CNTN4: variants seen among roughly 807,000 people sequenced by gnomAD.
The protein encoded by CNTN4 is contactin-4.
CNTN4 carries 77 observed loss-of-function variants against 122.5 expected under a neutral mutation model. That is an observed-to-expected ratio of 0.63 (90% CI 0.52 to 0.76). The LOEUF is 0.76. Among genes scored for constraint, CNTN4 ranks in the 30% least tolerant of loss-of-function variants. The pLI is 0.00. For missense variants in CNTN4, 1,256 were observed against 1,259.1 expected (o/e 1.00, Z 0.04); for synonymous variants, 512 against 447.0 (o/e 1.15, Z -1.83).
At chr3:2,665,128 C>T (rs1293370925) in intron 4 of CNTN4, among the ~76,000 whole-genome samples, 1 of 152,144 alleles carries the variant, frequency 6.6e-6, no homozygotes, top group Non-Finnish European at 1.5e-5. Flanking sequence ...ATGTAGGACA[C>T]CCTCCTTAAA....
At chr3:2,371,331 A>T (rs2045625067) in intron 3 of CNTN4, among the ~76,000 whole-genome samples, 1 of 152,098 alleles carries the variant, frequency 6.6e-6, no homozygotes, top group South Asian at 2.1e-4. Flanking sequence ...CTGCCTTTTT[A>T]AAGTTTGCTC....
chr3:2,405,487 C>T (rs1264990131), intron 3 of CNTN4, among the ~76,000 whole-genome samples: 1 of 151,908 alleles, frequency 6.6e-6, no homozygotes, highest in Non-Finnish European at 1.5e-5. Flanking sequence ...TGAAAGAACC[C>T]CCAATGACCA....
intron 4 of CNTN4, chr3:2,735,843 C>T (rs2089046071): frequency 2.4e-6 from 1 of 412,422 alleles, no homozygotes; most frequent in Non-Finnish European, 4.7e-6. Context: ...AGCTTTATGA[C>T]ACTAGACAGC....
At chr3:2,287,742 GAAGAAGAAGAAGAAGAAGAAGAA>G (rs2149964976) in intron 2 of CNTN4, among the ~76,000 whole-genome samples, 1 of 130,050 alleles carries the variant, frequency 7.7e-6, no homozygotes, top group South Asian at 2.5e-4. Context: ...AGAAGAAGAA[GAAGAAGAAGAAGAAGAAGAAGAA>G]GAAGAAGAAG....
intron 2 of CNTN4, among the ~76,000 whole-genome samples, chr3:2,297,626 G>A (rs973621136): frequency 6.6e-6 from 1 of 151,950 alleles, no homozygotes; most frequent in East Asian, 1.9e-4. Flanking sequence ...TTTATTTTCC[G>A]TCTACCTACA....
At chr3:2,959,277 C>T (rs2094829627) in intron 13 of CNTN4, among the ~76,000 whole-genome samples, 1 of 152,068 alleles carries the variant, frequency 6.6e-6, no homozygotes, top group Non-Finnish European at 1.5e-5. Flanking sequence ...TATTTAAAAA[C>T]AAAGAGTCAG....
In CNTN4 at chr3:2,818,095, G is replaced by A. The variant is rs116710350; in HGVS notation, c.359-1391G>A. On this transcript the variant is annotated intron_variant, in intron 6 of 24. Coordinates refer to ENST00000418658, the MANE Select transcript of CNTN4 (RefSeq NM_175607.3). ...TTGGTTTGCTCTGATTAGGTGTTAT[G>A]TGTCAGACCTGCCTGCTTGAGCCCC... Among the ~76,000 whole-genome samples, 976 of 152,314 alleles carry A rather than the reference G, an allele frequency of 6.4e-3. 9 individuals carry two copies. The highest frequency in any genetic ancestry group is 0.022 in the African/African-American group (905 of 41,572).
At position 2,491,131 on chromosome 3, in the gene CNTN4, A is replaced by G. The variant is rs115694438; in HGVS notation, c.-88-80285A>G. Among the ~76,000 whole-genome samples the G allele has an allele frequency of 6.0e-3, 913 of 152,328 alleles. 11 individuals are homozygous for G. The highest frequency in any genetic ancestry group is 0.021 in the African/African-American group (867 of 41,578). Reference sequence around the variant, plus strand: ...AATAGAACAAGACATTTAAAAGTGTATATTGTGCCTAATATATCTCTTTTC... The same window carrying G: ...AATAGAACAAGACATTTAAAAGTGTGTATTGTGCCTAATATATCTCTTTTC... On this transcript the variant is annotated intron_variant, in intron 3 of 24. Transcript: ENST00000418658.
intron 4 of CNTN4, among the ~76,000 whole-genome samples, chr3:2,675,093 A>G (rs1051370119): frequency 2.0e-5 from 3 of 152,216 alleles, no homozygotes; most frequent in African/African-American, 7.2e-5. Context: ...CAAAGAAAAC[A>G]ATCAGCAGTG....
chr3:2,235,448 A>T (rs989764744), intron 2 of CNTN4, among the ~76,000 whole-genome samples: 1 of 152,142 alleles, frequency 6.6e-6, no homozygotes, highest in Non-Finnish European at 1.5e-5. Flanking sequence ...GACATTTAAC[A>T]CATTCAGTAT....
intron 2 of CNTN4, among the ~76,000 whole-genome samples, chr3:2,138,782 A>G (rs192377312): frequency 7.4e-4 from 112 of 152,292 alleles, no homozygotes; most frequent in African/African-American, 2.6e-3. Context: ...TCTCCAGCTT[A>G]TAGATGGCAG....
rs1197755953 is a variant in CNTN4 at position 2,329,151 on chromosome 3, T to A, written c.-144-10027T>A. ...AGCGTAACATAAATACACATCAACT[T>A]AAACTCAAATGTTTACAAAATAAAA... On this transcript the variant is annotated intron_variant, in intron 2 of 24. Coordinates refer to ENST00000418658, the MANE Select transcript of CNTN4 (RefSeq NM_175607.3). Among the ~76,000 whole-genome samples the A allele has an allele frequency of 5.3e-5, 8 of 152,326 alleles. No individual in the cohort carries two copies. In the East Asian group the frequency reaches 1.5e-3, roughly 29 times the overall value.
chr3:2,943,642 T>TTG (rs2094641068), intron 13 of CNTN4, among the ~76,000 whole-genome samples: 11 of 146,398 alleles, frequency 7.5e-5, no homozygotes, highest in African/African-American at 2.5e-4. Context: ...TTTTTTTTTT[T>TTG]GAGACGGAGT....
intron 3 of CNTN4, among the ~76,000 whole-genome samples, chr3:2,525,020 C>A (rs2077351147): frequency 6.6e-6 from 1 of 152,058 alleles, no homozygotes; most frequent in African/African-American, 2.4e-5. Context: ...CCTGAAAGTG[C>A]CAATTAAGAT....
intron 14 of CNTN4, among the ~76,000 whole-genome samples, chr3:3,006,168 G>A (rs866022139): frequency 2.4e-4 from 36 of 152,190 alleles, no homozygotes; most frequent in Middle Eastern, 3.4e-3. Context: ...GAGCCACCGC[G>A]CCCAGCCCAC....
At position 2,423,858 on chromosome 3, in the gene CNTN4, G is replaced by A. The variant is rs2047705603; in HGVS notation, c.-89+84625G>A. On this transcript the variant is annotated intron_variant, in intron 3 of 24. Coordinates refer to ENST00000418658, the MANE Select transcript of CNTN4 (RefSeq NM_175607.3). ...CGAACATCGTTCCGGTCTATGGTGG[G>A]AGTAATAGTTCTTATTTTCTTGCCT... Among the ~76,000 whole-genome samples, 4 of 146,326 alleles carry A rather than the reference G, an allele frequency of 2.7e-5. 1 individual carries two copies. The South Asian group carries it at 9.0e-4, about 33-fold the overall frequency.
intron 3 of CNTN4, among the ~76,000 whole-genome samples, chr3:2,524,770 T>C (rs1051341493): frequency 1.3e-5 from 2 of 152,068 alleles, no homozygotes; most frequent in African/African-American, 2.4e-5. Flanking sequence ...AATTCTGTTC[T>C]GCAAAAAAAG....
At chr3:2,888,995 T>G (rs1353934028) in intron 10 of CNTN4, among the ~76,000 whole-genome samples, 1 of 151,140 alleles carries the variant, frequency 6.6e-6, no homozygotes, top group African/African-American at 2.4e-5. Flanking sequence ...AAGCTCTCCC[T>G]TCCAAAAAGA....
chr3:2,587,375 G>T (rs922582699), intron 4 of CNTN4, among the ~76,000 whole-genome samples: 2 of 152,110 alleles, frequency 1.3e-5, no homozygotes, highest in African/African-American at 4.8e-5. Flanking sequence ...GAATTTTGTT[G>T]GGAAGTTATG....
Sources: allele counts gnomAD v4.1 joint callset (sites outside exome capture counted in the v4.1 genomes callset), GRCh38; gene constraint gnomAD v4.1.1; transcripts MANE v1.5; gene names NCBI Gene and HGNC (gene_info 2026-07-23, HGNC 2026-07-21).